The following ZNF254 variants were observed in gnomAD, a reference collection of about 807,000 sequenced individuals.
The protein encoded by ZNF254 is zinc finger protein 254.
A neutral mutation model predicts 12.4 loss-of-function variants in ZNF254; 10 were observed. The ratio of observed to expected loss-of-function variants is 0.80; its 90% confidence interval spans 0.50 to 1.36. The LOEUF (loss-of-function observed/expected upper bound fraction) is 1.36. Among genes scored for constraint, ZNF254 ranks in the 40% most tolerant of loss-of-function variants. ZNF254 has a pLI of 0.00. For synonymous variants in ZNF254, 305 were observed against 253.4 expected (o/e 1.20, Z -1.93); for missense variants, 996 against 763.9 (o/e 1.30, Z -3.58).
intron 3 of ZNF254, among the ~76,000 whole-genome samples, chr19:24,118,384 G>GT (rs1195215820): frequency 4.6e-5 from 7 of 151,994 alleles, no homozygotes; most frequent in South Asian, 4.1e-4. Flanking sequence ...CAGATTAGGT[G>GT]TTTTTAAAAA....
chr19:24,047,241 TCTTC>T (rs2145259683), intron 2 of ZNF254, among the ~76,000 whole-genome samples: 1 of 152,180 alleles, frequency 6.6e-6, no homozygotes, highest in African/African-American at 2.4e-5. Context: ...TCTGTTTCTC[TCTTC>T]CTTTTTTTTG....
intron 2 of ZNF254, among the ~76,000 whole-genome samples, chr19:24,078,188 C>T (rs1971725826): frequency 6.6e-6 from 1 of 152,216 alleles, no homozygotes; most frequent in Admixed American, 6.5e-5. Context: ...CAGGCACATG[C>T]CACCACACAC....
At chr19:24,065,591 A>G (rs1217092940) in intron 2 of ZNF254, 3 of 152,154 alleles carry the variant, frequency 2.0e-5, no homozygotes, top group Admixed American at 6.5e-5. Context: ...TGATTGTTAC[A>G]TATGCCTATG....
At chr19:24,087,743 A>G (rs1416870405) in intron 1 of ZNF254, among the ~76,000 whole-genome samples, 1 of 152,118 alleles carries the variant, frequency 6.6e-6, no homozygotes, top group Non-Finnish European at 1.5e-5. Context: ...CTGCAAAAAT[A>G]TTAAATACTT....
At chr19:24,097,812 T>TAAAATAAA (rs969669494) in intron 1 of ZNF254, among the ~76,000 whole-genome samples, 3 of 150,624 alleles carry the variant, frequency 2.0e-5, no homozygotes, top group Non-Finnish European at 3.0e-5. Context: ...TAAAATAAAA[T>TAAAATAAA]AAAATAAAAT....
intron 1 of ZNF254, among the ~76,000 whole-genome samples, chr19:24,036,229 A>C (rs1420386086): frequency 6.9e-6 from 1 of 145,158 alleles, no homozygotes; most frequent in Non-Finnish European, 1.5e-5. Context: ...TGCTCGGCTA[A>C]ATTTTTTTTT....
At chr19:24,048,307 C>A (rs1410436060) in intron 2 of ZNF254, among the ~76,000 whole-genome samples, 1 of 152,120 alleles carries the variant, frequency 6.6e-6, no homozygotes. Context: ...AATAAGTTTC[C>A]AACGGGGACA....
intron 1 of ZNF254, among the ~76,000 whole-genome samples, chr19:24,097,629 A>G (rs1354439653): frequency 6.6e-6 from 1 of 151,864 alleles, no homozygotes; most frequent in African/African-American, 2.4e-5. Context: ...TAAAAATACA[A>G]AATTAGAAGG....
chr19:24,043,718 A>T (rs978365768), intron 1 of ZNF254, among the ~76,000 whole-genome samples: 1 of 149,368 alleles, frequency 6.7e-6, no homozygotes, highest in African/African-American at 2.4e-5. Flanking sequence ...ATATTTCTTC[A>T]TTTAAACAGA....
Position 24,126,288 on chromosome 19 carries a change from A to T in ZNF254, c.288A>T (p.Pro96=). ...MCPHFAQDLW[P]EQGMEDSFQK... ...CTCATTTTGCTCAAGACCTTTGGCC[A>T]GAGCAGGGCATGGAAGATTCTTTTC... The change falls in exon 4 of 4, where the codon CCA becomes CCT. Residue 96 remains proline (P), a synonymous_variant. Coordinates refer to ENST00000357002, the MANE Select transcript of ZNF254 (RefSeq NM_203282.4). The T allele has an allele frequency of 6.5e-7, 1 of 1,537,350 alleles. No homozygotes were observed. The highest frequency in any genetic ancestry group is 8.7e-7 in the Non-Finnish European group (1 of 1,146,668).
chr19:24,105,371 A>G, intron 1 of ZNF254: 1 of 236,944 alleles, frequency 4.2e-6, no homozygotes, highest in South Asian at 5.0e-5. Context: ...AAAAAACAAA[A>G]AACAAAAACA....
intron 2 of ZNF254, chr19:24,064,653 A>G (rs62114832): frequency 0.15 from 22,444 of 152,118 alleles, 1,927 homozygotes; most frequent in Middle Eastern, 0.23. Context: ...CAGCCCCCTG[A>G]GTATCTGGGA....
rs1975099070 is a variant in ZNF254, at chr19:24,129,448, T to C, written c.*1468T>C. On this transcript the variant is annotated 3_prime_UTR_variant, in exon 4 of 4. Coordinates refer to ENST00000357002, the MANE Select transcript of ZNF254 (RefSeq NM_203282.4). ...AACAATACACTATTTGGTAAGATAA[T>C]GTACTGACATCTCTAGCAATCTTTT... 1 of 152,088 alleles carries C rather than the reference T, an allele frequency of 6.6e-6. No homozygotes were observed. Among genetic ancestry groups the C allele is most frequent in the Non-Finnish European group, 1.5e-5 (1 of 67,936 alleles). The allele number at this position is 152,088 out of a possible 1,614,324, so 9.4% of individuals were successfully genotyped here.
At chr19:24,121,716 C>G (rs1249302824) in intron 3 of ZNF254, among the ~76,000 whole-genome samples, 1 of 152,040 alleles carries the variant, frequency 6.6e-6, no homozygotes, top group East Asian at 1.9e-4. Context: ...CACTACCAAG[C>G]CTGGATAATT....
At chr19:24,052,168 GA>G (rs1970673123) in intron 2 of ZNF254, among the ~76,000 whole-genome samples, 2 of 152,150 alleles carry the variant, frequency 1.3e-5, no homozygotes, top group African/African-American at 4.8e-5. Flanking sequence ...TGTGTTGCTG[GA>G]CTCACCACCT....
intron 3 of ZNF254, among the ~76,000 whole-genome samples, chr19:24,125,718 G>C (rs1469755256): frequency 6.6e-6 from 1 of 152,088 alleles, no homozygotes. Flanking sequence ...CATTTCTGTG[G>C]TACTGCAGTC....
rs553948680 is a variant in ZNF254, at chr19:24,124,118, T to A, written c.254-2136T>A. Among the ~76,000 whole-genome samples the A allele has an allele frequency of 4.5e-4, 68 of 152,182 alleles. 1 individual carries two copies. Among genetic ancestry groups the A allele is most frequent in the African/African-American group, 1.6e-3 (65 of 41,568 alleles). On this transcript the variant is annotated intron_variant, in intron 3 of 3. Transcript: ENST00000357002. ...ATTTGTATTGATAGGCTTTGACTTA[T>A]TTTGTTTTGTGTATTTATACAAATA... is the stretch of plus-strand genomic sequence containing the variant.
intron 1 of ZNF254, among the ~76,000 whole-genome samples, chr19:24,034,512 T>C (rs1414212768): frequency 5.3e-5 from 4 of 75,960 alleles, no homozygotes; most frequent in Non-Finnish European, 9.5e-5. Flanking sequence ...TTTTTTTTTC[T>C]TTTGTGCCAG....
chr19:24,059,304 C>T (rs1018262593), intron 2 of ZNF254, among the ~76,000 whole-genome samples: 3 of 152,116 alleles, frequency 2.0e-5, no homozygotes, highest in Non-Finnish European at 4.4e-5. Flanking sequence ...TAGGTGATGT[C>T]TTCCTGAGAC....
Sources: allele counts gnomAD v4.1 joint callset (sites outside exome capture counted in the v4.1 genomes callset), GRCh38; gene constraint gnomAD v4.1.1; transcripts MANE v1.5; gene names NCBI Gene and HGNC (gene_info 2026-07-23, HGNC 2026-07-21).